Variants in ATOX1 observed in about 807,000 individuals in gnomAD.
ATOX1 encodes antioxidant 1 copper chaperone.
Under a neutral mutation model 7.3 loss-of-function variants are expected in ATOX1, and 4 were observed. That is an observed-to-expected ratio of 0.55 (90% CI 0.27 to 1.25). The LOEUF (loss-of-function observed/expected upper bound fraction) is 1.25. ATOX1 is among the 50% of genes most tolerant of loss of function. The pLI is 0.12. For synonymous variants in ATOX1, 25 were observed against 28.7 expected, an observed-to-expected ratio of 0.87 and a Z score of 0.41; for missense variants, 68 against 81.6, an observed-to-expected ratio of 0.83 and a Z score of 0.64.
At chr5:151,754,108 AAAG>A (rs1761983162) in intron 1 of ATOX1, 1 of 152,222 alleles carries the variant, frequency 6.6e-6, no homozygotes, top group Non-Finnish European at 1.5e-5. Context: ...CAGATTCTGG[AAAG>A]AAGGATTTGT....
intron 2 of ATOX1, 119 bp from the exon 3 acceptor site, chr5:151,746,568 AG>A: frequency 2.9e-6 from 4 of 1,375,064 alleles, no homozygotes; most frequent in Non-Finnish European, 4.0e-6. Context: ...CCTCTAGAGC[AG>A]GGATCGGCAA....
At chr5:151,744,333 A>T (rs945405794) in intron 3 of ATOX1, 22 of 152,214 alleles carry the variant, frequency 1.4e-4, no homozygotes, top group African/African-American at 5.3e-4. Context: ...AGCTTGCAGG[A>T]GTTATTTATA....
chr5:151,749,353 C>T (rs899109300), intron 2 of ATOX1, among the ~76,000 whole-genome samples: 1 of 150,998 alleles, frequency 6.6e-6, no homozygotes, highest in East Asian at 2.0e-4. Flanking sequence ...GGCATGGTGG[C>T]CTGAGCCTGT....
chr5:151,757,150 G>T (rs145014195), intron 1 of ATOX1, among the ~76,000 whole-genome samples: 2 of 152,236 alleles, frequency 1.3e-5, no homozygotes, highest in East Asian at 3.9e-4. Context: ...GAAATCCCTT[G>T]ACTAACACCC....
intron 2 of ATOX1, among the ~76,000 whole-genome samples, chr5:151,750,632 CT>C (rs1761937222): frequency 7.1e-6 from 1 of 139,970 alleles, no homozygotes; most frequent in South Asian, 2.3e-4. Flanking sequence ...TAAATCTTTC[CT>C]TTTTTTCTTT....
At chr5:151,747,800 G>A (rs1331991898) in intron 2 of ATOX1, among the ~76,000 whole-genome samples, 1 of 152,208 alleles carries the variant, frequency 6.6e-6, no homozygotes, top group Non-Finnish European at 1.5e-5. Context: ...TGTTGGCCAG[G>A]TTGGTCTTGA....
chr5:151,754,446 CT>C (rs1370822933), intron 1 of ATOX1, among the ~76,000 whole-genome samples: 1 of 151,764 alleles, frequency 6.6e-6, no homozygotes, highest in African/African-American at 2.4e-5. Flanking sequence ...TGTTTCTCTA[CT>C]AAAAATAGAA....
intron 1 of ATOX1, 41 bp downstream of exon 1, chr5:151,758,505 G>A (rs775752343): frequency 6.7e-7 from 1 of 1,483,394 alleles, no homozygotes; most frequent in East Asian, 2.7e-5. Context: ...AAGCAACCCG[G>A]GACTGCAAGT....
chr5:151,753,726 GC>G (rs1761978843), intron 1 of ATOX1: 1 of 152,192 alleles, frequency 6.6e-6, no homozygotes, highest in South Asian at 2.1e-4. Context: ...CCAGACACCT[GC>G]CTCAACTGAC....
Position 151,758,575 on chromosome 5 carries a change from G to T in ATOX1, c.-24C>A. The T allele has an allele frequency of 2.8e-6, 4 of 1,415,212 alleles. No homozygotes were observed. Among genetic ancestry groups the T allele is most frequent in the Non-Finnish European group, 3.7e-6 (4 of 1,079,246 alleles). The allele number at this position is 1,415,212 out of a possible 1,614,324, so 87.7% of individuals were successfully genotyped here. A position where few individuals can be genotyped will look rare whatever the true frequency, so the allele number is the denominator to read the frequency against. ...ATGACTGAGGCAGCGGCGGTGTGGC[G>T]GCGGTGTGGCGGCGGTGTCAGCAGC... On this transcript the variant is annotated 5_prime_UTR_variant, in exon 1 of 4. Transcript: ENST00000313115.
rs28917194 is a variant in ATOX1, at chr5:151,752,479, C to T, written c.7-700G>A. ...CTAGGATATCTAACAGATCAAGGGT[C>T]TGAAGGTAAGCTCCCAGAAGACAGA... On this transcript the variant is annotated intron_variant, in intron 1 of 3. Coordinates refer to ENST00000313115, the MANE Select transcript of ATOX1 (RefSeq NM_004045.4). 4.2e-4 allele frequency: 273 copies of T among 645,596 alleles called. No individual in the cohort carries two copies. In the East Asian group the frequency reaches 6.6e-3, roughly 16 times the overall value. 40.0% of individuals were successfully genotyped at this position (645,596 alleles called of 1,614,324 possible). A position where few individuals can be genotyped will look rare whatever the true frequency, so the allele number is the denominator to read the frequency against.
intron 2 of ATOX1, among the ~76,000 whole-genome samples, chr5:151,750,135 T>G (rs1409501015): frequency 3.3e-5 from 5 of 152,348 alleles, no homozygotes; most frequent in Middle Eastern, 3.4e-3. Context: ...GCCAAAACTC[T>G]GATCACAACT....
intron 3 of ATOX1, chr5:151,743,237 C>G (rs1761841958): frequency 6.6e-6 from 1 of 152,222 alleles, no homozygotes. Flanking sequence ...TGCCAAAGCC[C>G]TCTTCTGGGG....
At chr5:151,756,443 CTTTT>C (rs1401713686) in intron 1 of ATOX1, among the ~76,000 whole-genome samples, 3 of 149,898 alleles carry the variant, frequency 2.0e-5, no homozygotes, top group Non-Finnish European at 4.5e-5. Context: ...TTCTTTCTTT[CTTTT>C]CTTTCTCTCT....
chr5:151,744,476 T>A (rs965748007), intron 3 of ATOX1: 2 of 152,176 alleles, frequency 1.3e-5, no homozygotes, highest in African/African-American at 4.8e-5. Flanking sequence ...AGAAAACATG[T>A]TTTCTATGAG....
intron 2 of ATOX1, among the ~76,000 whole-genome samples, chr5:151,750,966 C>T (rs991339696): frequency 2.0e-5 from 3 of 151,838 alleles, no homozygotes; most frequent in Non-Finnish European, 4.4e-5. Context: ...TTTAAAAAAC[C>T]TTAATAGAGG....
chr5:151,751,810 A>T, intron 1 of ATOX1, 31 bp from the exon 2 acceptor site: 1 of 1,578,264 alleles, frequency 6.3e-7, no homozygotes, highest in South Asian at 1.2e-5. Context: ...CCATGACCCG[A>T]GCCCTGTAGA....
intron 1 of ATOX1, chr5:151,753,764 A>T (rs1326231891): frequency 6.6e-6 from 1 of 152,112 alleles, no homozygotes; most frequent in East Asian, 1.9e-4. Flanking sequence ...GGGCCCTGCC[A>T]CTCCCCATTT....
chr5:151,751,672 T>C, intron 2 of ATOX1, 32 bp downstream of exon 2: 1 of 1,583,438 alleles, frequency 6.3e-7, no homozygotes, highest in Non-Finnish European at 8.6e-7. Flanking sequence ...GAACATGGCA[T>C]AAGTGCACCC....
Sources: allele counts gnomAD v4.1 joint callset (sites outside exome capture counted in the v4.1 genomes callset), GRCh38; gene constraint gnomAD v4.1.1; transcripts MANE v1.5; gene names NCBI Gene and HGNC (gene_info 2026-07-23, HGNC 2026-07-21).